RHBDD1: variants seen among roughly 807,000 people sequenced by gnomAD.
RHBDD1 encodes the protein rhomboid domain containing 1, also known as rhomboid-related protein 4.
A neutral mutation model predicts 36.3 loss-of-function variants in RHBDD1; 38 were observed. The ratio of observed to expected loss-of-function variants is 1.05; its 90% CI spans 0.81 to 1.37. The LOEUF (loss-of-function observed/expected upper bound fraction) is 1.37. RHBDD1 is among the 40% of genes most tolerant of loss of function. RHBDD1 has a pLI of 0.00. For synonymous variants in RHBDD1, 151 were observed against 136.5 expected (o/e 1.11, Z -0.74); for missense variants, 393 against 377.6 (o/e 1.04, Z -0.34).
At position 226,907,161 on chromosome 2, in the gene RHBDD1, G is replaced by A. The variant is rs1236498424; in HGVS notation, c.655+280G>A. 9.9e-6 allele frequency: 5 copies of A among 504,514 alleles called. No homozygotes were observed. The Admixed American group carries it at 1.3e-4, about 13-fold the overall frequency. The allele number at this position is 504,514 out of a possible 1,614,324, so 31.3% of individuals were successfully genotyped here. A position where few individuals can be genotyped will look rare whatever the true frequency, so the allele number is the denominator to read the frequency against. On this transcript the variant is annotated intron_variant, in intron 6 of 8. Transcript: ENST00000392062. Reference sequence around the variant, plus strand: ...CTTAATGCTACCCGCAGAAAACCACGATTTCCTAAAGAATGCAGAGAACTA... The same window carrying A: ...CTTAATGCTACCCGCAGAAAACCACAATTTCCTAAAGAATGCAGAGAACTA...
Position 226,941,964 on chromosome 2 carries a change from C to T in RHBDD1, c.856+27613C>T, listed in dbSNP as rs370853218. 2.6e-5 allele frequency among the ~76,000 whole-genome samples: 4 copies of T among 152,230 alleles called. No homozygotes were observed. The South Asian group carries it at 8.3e-4, about 32-fold the overall frequency. ...TGTTTTAGATTGTGAGGCAGAGGCACAGAGAAATCAAATGACTTTTTCAGG... is the reference window on the plus strand; with the variant it reads ...TGTTTTAGATTGTGAGGCAGAGGCATAGAGAAATCAAATGACTTTTTCAGG... On this transcript the variant is annotated intron_variant, in intron 8 of 8. Coordinates refer to ENST00000392062, the MANE Select transcript of RHBDD1 (RefSeq NM_001167608.3).
intron 8 of RHBDD1, among the ~76,000 whole-genome samples, chr2:226,952,486 C>T (rs1951496106): frequency 6.6e-6 from 1 of 151,996 alleles, no homozygotes; most frequent in African/African-American, 2.4e-5. Flanking sequence ...TTAGTAGAGA[C>T]TCAGTTTCAC....
At chr2:226,968,020 T>C (rs938953600) in intron 8 of RHBDD1, among the ~76,000 whole-genome samples, 3 of 152,236 alleles carry the variant, frequency 2.0e-5, no homozygotes, top group South Asian at 2.1e-4. Flanking sequence ...GAGTTTTACT[T>C]ATCTCATAGG....
the RHBDD1 span, among the ~76,000 whole-genome samples, chr2:226,820,261 T>C: frequency 6.6e-6 from 1 of 152,202 alleles, no homozygotes; most frequent in African/African-American, 2.4e-5. Context: ...TTTCTTTCTG[T>C]ACTGACCAAA....
In RHBDD1 at chr2:226,836,089, T is replaced by G. The variant is rs1037656981; in HGVS notation, c.-392+2T>G. The G allele has an allele frequency of 6.6e-6, 1 of 152,670 alleles. No homozygotes were observed. Among genetic ancestry groups the G allele is most frequent in the African/African-American group, 2.4e-5 (1 of 41,460 alleles). 9.5% of individuals were successfully genotyped at this position (152,670 alleles called of 1,614,324 possible). On this transcript the variant is annotated splice_donor_variant, in intron 1 of 8. Coordinates refer to ENST00000392062, the MANE Select transcript of RHBDD1 (RefSeq NM_001167608.3). LOFTEE classifies it low-confidence loss of function (5UTR_SPLICE). ...GGACGCAGGCGGGTCGTAGAGAGCG[T>G]GAGTTTCCGCGTCTGTTTGGTCCGG...
intron 3 of RHBDD1, among the ~76,000 whole-genome samples, chr2:226,862,260 A>AGGTT (rs1482461913): frequency 6.6e-6 from 1 of 151,742 alleles, no homozygotes; most frequent in Non-Finnish European, 1.5e-5. Flanking sequence ...CCTGGGAAGG[A>AGGTT]GGTTTTATGT....
chr2:226,993,933 C>T (rs779734460), intron 8 of RHBDD1, among the ~76,000 whole-genome samples: 1 of 152,216 alleles, frequency 6.6e-6, no homozygotes, highest in Non-Finnish European at 1.5e-5. Context: ...GGGCAATGAG[C>T]AAGAGGGATC....
At chr2:226,941,856 G>A (rs1950687678) in intron 8 of RHBDD1, among the ~76,000 whole-genome samples, 1 of 152,144 alleles carries the variant, frequency 6.6e-6, no homozygotes, top group Non-Finnish European at 1.5e-5. Context: ...AGGTTAATGA[G>A]TATTAGGTGG....
intron 8 of RHBDD1, among the ~76,000 whole-genome samples, chr2:226,929,180 A>T (rs991199443): frequency 2.0e-5 from 3 of 152,054 alleles, no homozygotes; most frequent in Admixed American, 2.0e-4. Flanking sequence ...CACCAAAGCC[A>T]CAAAAGGACA....
the RHBDD1 span, among the ~76,000 whole-genome samples, chr2:226,811,548 C>T: frequency 6.6e-6 from 1 of 152,192 alleles, no homozygotes; most frequent in Non-Finnish European, 1.5e-5. Context: ...AGTGATCCAC[C>T]CCCCTCAGTC....
intron 8 of RHBDD1, among the ~76,000 whole-genome samples, chr2:226,978,807 G>T (rs886736042): frequency 1.6e-4 from 25 of 152,184 alleles, no homozygotes; most frequent in Non-Finnish European, 2.9e-5. Flanking sequence ...CACTTCCCTG[G>T]AGAAGTTGTG....
chr2:226,880,559 C>T (rs1163846670), intron 5 of RHBDD1, among the ~76,000 whole-genome samples: 1 of 152,088 alleles, frequency 6.6e-6, no homozygotes, highest in Admixed American at 6.5e-5. Flanking sequence ...TTTGAGGGAA[C>T]GGAGGTGTAT....
At chr2:226,951,226 A>G (rs943645821) in intron 8 of RHBDD1, among the ~76,000 whole-genome samples, 12 of 152,130 alleles carry the variant, frequency 7.9e-5, no homozygotes, top group African/African-American at 2.9e-4. Context: ...TCACATCTTT[A>G]AAGGCCCTAT....
the RHBDD1 span, among the ~76,000 whole-genome samples, chr2:226,808,131 GATGGTC>G: frequency 1.3e-5 from 2 of 152,160 alleles, no homozygotes; most frequent in African/African-American, 4.8e-5. Flanking sequence ...ATCAAGAGAT[GATGGTC>G]ATTCGTAAAG....
chr2:226,903,103 C>T (rs1327002049), intron 5 of RHBDD1, among the ~76,000 whole-genome samples: 2 of 152,120 alleles, frequency 1.3e-5, no homozygotes, highest in Non-Finnish European at 2.9e-5. Flanking sequence ...CTGGCCACTT[C>T]TTTGTATCTC....
intron 5 of RHBDD1, among the ~76,000 whole-genome samples, chr2:226,902,773 A>G (rs755406018): frequency 2.6e-5 from 4 of 152,234 alleles, no homozygotes; most frequent in African/African-American, 4.8e-5. Context: ...GGATGACGCA[A>G]TGAGTTCTCC....
the RHBDD1 span, among the ~76,000 whole-genome samples, chr2:226,814,612 G>A: frequency 6.6e-6 from 1 of 152,168 alleles, no homozygotes; most frequent in African/African-American, 2.4e-5. Flanking sequence ...TAGTCTTGTG[G>A]TGGTGGAAAT....
At chr2:226,806,594 C>A in the RHBDD1 span, among the ~76,000 whole-genome samples, 1 of 152,214 alleles carries the variant, frequency 6.6e-6, no homozygotes, top group Non-Finnish European at 1.5e-5. Context: ...CCATGACCTG[C>A]AGTAAAAATA....
intron 8 of RHBDD1, among the ~76,000 whole-genome samples, chr2:226,985,683 C>A (rs760176808): frequency 6.6e-6 from 1 of 152,250 alleles, no homozygotes; most frequent in African/African-American, 2.4e-5. Flanking sequence ...GAAGCCCACC[C>A]AATCAGCAAC....
Sources: gnomAD v4.1 joint callset for allele counts (sites outside exome capture counted in the v4.1 genomes callset) on GRCh38, gnomAD v4.1.1 for gene constraint, MANE v1.5 for transcripts, NCBI Gene and HGNC (gene_info 2026-07-23, HGNC 2026-07-21) for gene names.